Variants in SLX4IP observed in about 807,000 individuals in gnomAD.
The protein encoded by SLX4IP is protein SLX4IP.
Under a neutral mutation model 32.9 loss-of-function variants are expected in SLX4IP, and 34 were observed. The observed-to-expected ratio is 1.03, with a 90% confidence interval of 0.79 to 1.38. The LOEUF is 1.38. SLX4IP is among the 40% of genes most tolerant of loss of function. The pLI is 0.00. For synonymous variants in SLX4IP, 172 were observed against 171.7 expected, an observed-to-expected ratio of 1.00 and a Z score of -0.01; for missense variants, 444 against 479.0, an observed-to-expected ratio of 0.93 and a Z score of 0.68.
intron 2 of SLX4IP, among the ~76,000 whole-genome samples, chr20:10,538,747 G>A (rs1448333197): frequency 1.3e-5 from 2 of 152,060 alleles, no homozygotes; most frequent in East Asian, 1.9e-4. Context: ...GGCTGGTCTC[G>A]AACTCCTGAC....
At chr20:10,498,087 A>G (rs1190232719) in intron 2 of SLX4IP, among the ~76,000 whole-genome samples, 1 of 149,780 alleles carries the variant, frequency 6.7e-6, no homozygotes, top group South Asian at 2.1e-4. Context: ...AACTGGCAAT[A>G]TTTTTTCTTA....
At position 10,518,465 on chromosome 20, in the gene SLX4IP, TTCCTTTCTTTTCCTTTCCTTTCCTTTTC is replaced by T. The variant is rs1568720168; in HGVS notation, c.28-37765_28-37738del. ...TTCCTTCCTTCCTTCCTTCCTTCCTTTCCTTTCTTTTCCTTTCCTTTCCTTTTCCTTCCTTCCTTCCTTCCTTCCTTCC... is the reference window on the plus strand; with the variant it reads ...TTCCTTCCTTCCTTCCTTCCTTCCTTCTTCCTTCCTTCCTTCCTTCCTTCC... On this transcript the variant is annotated intron_variant, in intron 2 of 7. Coordinates refer to ENST00000334534, the MANE Select transcript of SLX4IP (RefSeq NM_001009608.3). Among the ~76,000 whole-genome samples the T allele has an allele frequency of 5.4e-3, 247 of 45,720 alleles. 4 individuals are homozygous for T. The highest frequency in any genetic ancestry group is 0.015 in the African/African-American group (226 of 15,478). The allele number at this position is 45,720 out of a possible 152,430, so 30.0% of individuals were successfully genotyped here.
intron 2 of SLX4IP, among the ~76,000 whole-genome samples, chr20:10,488,745 C>T (rs1179339773): frequency 1.3e-5 from 2 of 152,060 alleles, no homozygotes; most frequent in African/African-American, 4.8e-5. Flanking sequence ...CTTAATATAG[C>T]TAAAATAAGC....
intron 6 of SLX4IP, among the ~76,000 whole-genome samples, chr20:10,616,102 A>G (rs1308344357): frequency 6.6e-6 from 1 of 152,140 alleles, no homozygotes; most frequent in Non-Finnish European, 1.5e-5. Context: ...GGTAAAGGCC[A>G]ACTTCCTTCA....
intron 2 of SLX4IP, among the ~76,000 whole-genome samples, chr20:10,510,712 G>A: frequency 6.6e-6 from 1 of 151,078 alleles, no homozygotes; most frequent in Non-Finnish European, 1.5e-5. Context: ...TCAAGTGATT[G>A]TCCCGCCTCA....
intron 1 of SLX4IP, among the ~76,000 whole-genome samples, chr20:10,454,525 C>A (rs538728182): frequency 6.6e-6 from 1 of 152,168 alleles, no homozygotes; most frequent in African/African-American, 2.4e-5. Flanking sequence ...AGAAAATACT[C>A]CAGGTTTCTG....
intron 2 of SLX4IP, among the ~76,000 whole-genome samples, chr20:10,526,069 A>C (rs894945895): frequency 6.6e-6 from 1 of 151,868 alleles, no homozygotes; most frequent in Non-Finnish European, 1.5e-5. Flanking sequence ...TCTAGCCTGC[A>C]TTTCCGGTCT....
At chr20:10,548,120 G>A (rs1466844303) in intron 2 of SLX4IP, among the ~76,000 whole-genome samples, 1 of 152,216 alleles carries the variant, frequency 6.6e-6, no homozygotes, top group Non-Finnish European at 1.5e-5. Context: ...GAAACTGACA[G>A]TAGAGAAAGG....
At chr20:10,469,288 G>A (rs144123893) in intron 2 of SLX4IP, among the ~76,000 whole-genome samples, 347 of 151,834 alleles carry the variant, frequency 2.3e-3, no homozygotes, top group Non-Finnish European at 4.2e-3. Flanking sequence ...AGGGAATGTT[G>A]TAATCTTCAA....
At position 10,456,587 on chromosome 20, in the gene SLX4IP, G is replaced by T. The variant is rs146738067; in HGVS notation, c.-29-1589G>T. On this transcript the variant is annotated intron_variant, in intron 1 of 7. Transcript: ENST00000334534. ...GAACTCCTGACCTCGTGATCTACCC[G>T]CCTCGGCCTCCCAAAGTGCTGAGAT... Among the ~76,000 whole-genome samples the T allele has an allele frequency of 4.6e-5, 7 of 152,206 alleles. No individual in the cohort carries two copies. In the East Asian group the frequency reaches 1.2e-3, roughly 25 times the overall value.
At chr20:10,574,257 T>G (rs1317653438) in intron 4 of SLX4IP, among the ~76,000 whole-genome samples, 1 of 152,220 alleles carries the variant, frequency 6.6e-6, no homozygotes, top group Non-Finnish European at 1.5e-5. Context: ...TGTACAAATC[T>G]TCCAGAAAGG....
intron 2 of SLX4IP, among the ~76,000 whole-genome samples, chr20:10,477,412 A>C (rs1690272310): frequency 6.6e-6 from 1 of 152,048 alleles, no homozygotes; most frequent in African/African-American, 2.4e-5. Flanking sequence ...CCAAAGTGCT[A>C]GGATTACAGG....
At chr20:10,514,260 T>TCC (rs2065832869) in intron 2 of SLX4IP, among the ~76,000 whole-genome samples, 1 of 152,192 alleles carries the variant, frequency 6.6e-6, no homozygotes, top group Non-Finnish European at 1.5e-5. Context: ...GTGTATTCTA[T>TCC]TTGGTGCATT....
At chr20:10,532,904 T>C (rs2066002359) in intron 2 of SLX4IP, among the ~76,000 whole-genome samples, 1 of 151,932 alleles carries the variant, frequency 6.6e-6, no homozygotes, top group Admixed American at 6.6e-5. Flanking sequence ...GCCTCCCAAG[T>C]AACTGAGATT....
At chr20:10,498,875 A>G (rs1218019624) in intron 2 of SLX4IP, among the ~76,000 whole-genome samples, 1 of 151,830 alleles carries the variant, frequency 6.6e-6, no homozygotes, top group Non-Finnish European at 1.5e-5. Flanking sequence ...ATATCATTCT[A>G]CCCTGTATAG....
chr20:10,552,056 C>G (rs2066223266), intron 2 of SLX4IP, among the ~76,000 whole-genome samples: 1 of 152,190 alleles, frequency 6.6e-6, no homozygotes, highest in Non-Finnish European at 1.5e-5. Context: ...GTGACTGATT[C>G]TGGAGGGTTA....
At chr20:10,574,804 C>G (rs573372859) in intron 4 of SLX4IP, among the ~76,000 whole-genome samples, 17 of 152,214 alleles carry the variant, frequency 1.1e-4, no homozygotes, top group African/African-American at 3.9e-4. Flanking sequence ...TCTTAAGTAG[C>G]TGGGATTACA....
intron 2 of SLX4IP, among the ~76,000 whole-genome samples, chr20:10,515,110 GTCTTAC>G (rs1453451041): frequency 8.0e-6 from 1 of 124,446 alleles, no homozygotes; most frequent in Non-Finnish European, 1.6e-5. Context: ...TTGAGACGGA[GTCTTAC>G]TCTTGTCACC....
intron 2 of SLX4IP, among the ~76,000 whole-genome samples, chr20:10,543,952 A>G (rs1413962189): frequency 6.6e-6 from 1 of 152,124 alleles, no homozygotes; most frequent in East Asian, 1.9e-4. Flanking sequence ...CTCCCTTAGT[A>G]GTCTGTTATG....
Sources: allele counts gnomAD v4.1 joint callset (sites outside exome capture counted in the v4.1 genomes callset), GRCh38; gene constraint gnomAD v4.1.1; transcripts MANE v1.5; gene names NCBI Gene and HGNC (gene_info 2026-07-23, HGNC 2026-07-21).